Variants in TRPM7 observed in about 807,000 individuals in gnomAD.
TRPM7 encodes transient receptor potential cation channel subfamily M member 7, also known as LTRPC ion channel family member 7.
Under a neutral mutation model 229.7 loss-of-function variants are expected in TRPM7, and 134 were observed. The ratio of observed to expected loss-of-function variants is 0.58; its 90% confidence interval spans 0.51 to 0.67. The LOEUF (loss-of-function observed/expected upper bound fraction) is 0.67. Ranked by LOEUF, TRPM7 falls within the 30% of genes least tolerant of loss-of-function variation. The pLI is 0.00. For missense variants in TRPM7, 1,901 were observed against 2,210.0 expected (o/e 0.86, Z 2.80); for synonymous variants, 699 against 715.2 (o/e 0.98, Z 0.36).
intron 1 of TRPM7, among the ~76,000 whole-genome samples, chr15:50,667,074 T>G (rs2140940517): frequency 6.6e-6 from 1 of 152,232 alleles, no homozygotes. Context: ...CATAAAGGGA[T>G]GATACTGAGG....
chr15:50,639,727 C>T (rs556324103), intron 5 of TRPM7, among the ~76,000 whole-genome samples, 179 bp from the exon 6 acceptor site: 5 of 147,044 alleles, frequency 3.4e-5, no homozygotes, highest in South Asian at 4.4e-4. Flanking sequence ...CTAAGACAGC[C>T]GGCTAATTTT....
intron 31 of TRPM7, among the ~76,000 whole-genome samples, chr15:50,577,189 G>A (rs2054175554): frequency 2.0e-5 from 3 of 151,970 alleles, no homozygotes; most frequent in South Asian, 2.1e-4. Context: ...AATATGTCAT[G>A]TTAAGGAAGA....
chr15:50,678,647 A>G (rs1335897006), intron 1 of TRPM7, among the ~76,000 whole-genome samples: 4 of 151,880 alleles, frequency 2.6e-5, no homozygotes, highest in Non-Finnish European at 5.9e-5. Flanking sequence ...TATTACTGAC[A>G]TTTTAGATAC....
At position 50,574,367 on chromosome 15, in the gene TRPM7, T is replaced by C; in HGVS notation, c.5215A>G (p.Ile1739Val). The change falls in exon 36 of 39, where the codon ATT becomes GTT. Residue 1739 changes from isoleucine (I) to valine (V), a missense_variant. Ile to Val is a conservative substitution (Grantham distance 29). Coordinates refer to ENST00000646667, the MANE Select transcript of TRPM7 (RefSeq NM_017672.6). The part of the protein sequence containing the change: ...KYNNNNGDEI[I>V]PTNTLEEIML... The stretch of plus-strand genomic sequence containing the variant: ...ATCTCTTCCAGAGTATTAGTTGGAA[T>C]AATCTCATCTCCATTATTATTGTTG... 6.2e-7 allele frequency: 1 copy of C among 1,613,990 alleles called. No homozygotes were observed. Among genetic ancestry groups the C allele is most frequent in the South Asian group, 1.1e-5 (1 of 91,086 alleles).
At chr15:50,638,419 G>T (rs1025920795) in intron 6 of TRPM7, among the ~76,000 whole-genome samples, 13 of 137,380 alleles carry the variant, frequency 9.5e-5, no homozygotes, top group African/African-American at 3.6e-4. Flanking sequence ...TGTAGTGGTG[G>T]GTGCCTGTAA....
intron 13 of TRPM7, among the ~76,000 whole-genome samples, chr15:50,618,661 A>G (rs1316737003): frequency 1.3e-5 from 2 of 152,128 alleles, no homozygotes; most frequent in African/African-American, 2.4e-5. Flanking sequence ...ACAAGTATAG[A>G]TTTCTTACAC....
chr15:50,585,354 G>A (rs2054648940), intron 28 of TRPM7, among the ~76,000 whole-genome samples: 1 of 152,076 alleles, frequency 6.6e-6, no homozygotes, highest in Non-Finnish European at 1.5e-5. Flanking sequence ...TAAGCCACCT[G>A]GCCCACTCTA....
chr15:50,560,239 T>A lies in TRPM7; in HGVS notation c.*1439A>T, dbSNP rs1428893064. 1 of 152,504 alleles carries A rather than the reference T, an allele frequency of 6.6e-6. No homozygotes were observed. The highest frequency in any genetic ancestry group is 2.1e-4 in the South Asian group (1 of 4,828). 9.4% of individuals were successfully genotyped at this position (152,504 alleles called of 1,614,324 possible). A position where few individuals can be genotyped will look rare whatever the true frequency, so the allele number is the denominator to read the frequency against. On this transcript the variant is annotated 3_prime_UTR_variant, in exon 39 of 39. Transcript: ENST00000646667. ...TCATTTAAAAAAACTGATACTCAAA[T>A]TGACACCCTGAAAATGTCAGATAAT...
intron 21 of TRPM7, among the ~76,000 whole-genome samples, chr15:50,599,886 A>T (rs753743097): frequency 6.6e-6 from 1 of 152,228 alleles, no homozygotes; most frequent in Non-Finnish European, 1.5e-5. Flanking sequence ...CTGGGAAACA[A>T]ATACTTTTGT....
chr15:50,567,963 C>G (rs1057202606), intron 38 of TRPM7, among the ~76,000 whole-genome samples: 4 of 151,654 alleles, frequency 2.6e-5, no homozygotes, highest in Admixed American at 2.0e-4. Context: ...CCTGTAGTCC[C>G]AGCTACTCGG....
intron 13 of TRPM7, among the ~76,000 whole-genome samples, chr15:50,616,418 T>C (rs1425064469): frequency 6.6e-6 from 1 of 152,188 alleles, no homozygotes; most frequent in Non-Finnish European, 1.5e-5. Context: ...TCTCCCCCAT[T>C]ACTTAAGATT....
At chr15:50,678,265 A>C (rs2062145951) in intron 1 of TRPM7, among the ~76,000 whole-genome samples, 1 of 148,602 alleles carries the variant, frequency 6.7e-6, no homozygotes, top group African/African-American at 2.5e-5. Flanking sequence ...AAACAAAAAC[A>C]AAAACAAAAA....
rs780281544 is a variant in TRPM7, at chr15:50,596,296, T to C, written c.3249A>G (p.Val1083=). The change falls in exon 23 of 39, where the codon GTA becomes GTG. Residue 1083 remains valine (V), a synonymous_variant. Coordinates refer to ENST00000646667, the MANE Select transcript of TRPM7 (RefSeq NM_017672.6). ...TPFLQAVYLF[V]QYIIMVNLLI... is the part of the protein sequence containing the mutation. ...GAAGATTAACCATAATGATATACTG[T>C]ACAAAGAGGTAGACTGCTTGAAGAA... 2.6e-5 allele frequency: 41 copies of C among 1,599,070 alleles called. No individual in the cohort carries two copies. The highest frequency in any genetic ancestry group is 3.4e-5 in the Non-Finnish European group (40 of 1,171,394).
intron 16 of TRPM7, among the ~76,000 whole-genome samples, chr15:50,611,723 T>A (rs1289398436): frequency 6.6e-6 from 1 of 152,216 alleles, no homozygotes; most frequent in Non-Finnish European, 1.5e-5. Context: ...ATGAAAAACA[T>A]CTGAATCTTG....
intron 5 of TRPM7, 33 bp downstream of exon 5, chr15:50,643,307 C>A: frequency 1.3e-6 from 2 of 1,564,812 alleles, no homozygotes; most frequent in Non-Finnish European, 1.8e-6. Context: ...AATTAAAACA[C>A]ACTAAATAAA....
In TRPM7 at chr15:50,624,756, TC is replaced by T. The variant is rs535479218; in HGVS notation, c.1306-457del. On this transcript the variant is annotated intron_variant, in intron 11 of 38. Transcript: ENST00000646667. ...CTACTCAGAAAGAAACTATCCCGCATCCCACACAACTTTTTATTATCCTGTT... is the reference window on the plus strand; with the variant it reads ...CTACTCAGAAAGAAACTATCCCGCATCCACACAACTTTTTATTATCCTGTT... Among the ~76,000 whole-genome samples, 1,071 of 152,282 alleles carry T rather than the reference TC, an allele frequency of 7.0e-3. 8 individuals are homozygous for T. The highest frequency in any genetic ancestry group is 0.011 in the Non-Finnish European group (733 of 68,004).
intron 34 of TRPM7, 54 bp downstream of exon 34, chr15:50,574,798 T>C: frequency 3.2e-6 from 5 of 1,586,336 alleles, no homozygotes; most frequent in Non-Finnish European, 4.3e-6. Flanking sequence ...ATTTCAGAAG[T>C]TAAAATATAA....
chr15:50,634,814 T>C lies in TRPM7; in HGVS notation c.833-258A>G, dbSNP rs559567001. ...TTCTCTAAATGACAAAATTAGAAAA[T>C]CCAATATATAATAGACAGCAAATAA... is the stretch of plus-strand genomic sequence containing the variant. On this transcript the variant is annotated intron_variant, in intron 7 of 38. Transcript: ENST00000646667. Among the ~76,000 whole-genome samples the C allele has an allele frequency of 7.9e-5, 12 of 152,184 alleles. No homozygotes were observed. In the South Asian group the frequency reaches 2.3e-3, roughly 29 times the overall value.
At chr15:50,618,611 A>G (rs2060299409) in intron 13 of TRPM7, among the ~76,000 whole-genome samples, 1 of 99,044 alleles carries the variant, frequency 1.0e-5, no homozygotes, top group African/African-American at 3.1e-5. Flanking sequence ...AAATAAATAA[A>G]TAAACGTATG....
Sources: allele counts gnomAD v4.1 joint callset (sites outside exome capture counted in the v4.1 genomes callset), GRCh38; gene constraint gnomAD v4.1.1; transcripts MANE v1.5; gene names NCBI Gene and HGNC (gene_info 2026-07-23, HGNC 2026-07-21).